The following NUP210L variants were observed in gnomAD, a reference collection of about 807,000 sequenced individuals.
The protein encoded by NUP210L is nucleoporin 210 like, also known as nuclear pore membrane glycoprotein 210-like.
NUP210L carries 74 observed loss-of-function variants against 208.5 expected under a neutral mutation model. The ratio of observed to expected loss-of-function variants is 0.35; its 90% confidence interval spans 0.29 to 0.43. NUP210L has a LOEUF of 0.43. Ranked by LOEUF, NUP210L falls within the 20% of genes least tolerant of loss-of-function variation. The pLI is 1.00. For synonymous variants in NUP210L, 780 were observed against 816.9 expected (o/e 0.95, Z 0.77); for missense variants, 1,843 against 2,289.4 (o/e 0.81, Z 3.98).
At chr1:154,118,242 G>C (rs1657431344) in intron 11 of NUP210L, among the ~76,000 whole-genome samples, 1 of 152,086 alleles carries the variant, frequency 6.6e-6, no homozygotes, top group South Asian at 2.1e-4. Context: ...CTGGGAGACA[G>C]AGGTTGCAGT....
chr1:154,100,479 T>G (rs1412118126), intron 13 of NUP210L, among the ~76,000 whole-genome samples: 1 of 148,482 alleles, frequency 6.7e-6, no homozygotes, highest in Non-Finnish European at 1.5e-5. Flanking sequence ...ACAAATATGA[T>G]TTCAGTGGGG....
chr1:154,144,121 T>A (rs1057083967), intron 2 of NUP210L, among the ~76,000 whole-genome samples: 1 of 151,900 alleles, frequency 6.6e-6, no homozygotes, highest in Non-Finnish European at 1.5e-5. Context: ...ACAGAGGTTG[T>A]AGGGAGTCGA....
intron 27 of NUP210L, 65 bp from the exon 28 acceptor site, chr1:154,030,119 T>C (rs1652126959): frequency 5.8e-6 from 7 of 1,204,076 alleles, no homozygotes; most frequent in Non-Finnish European, 7.8e-6. Context: ...CCTTTTTTTT[T>C]CACTTTTTTA....
At chr1:154,019,209 G>T in intron 32 of NUP210L, 140 bp from the exon 33 acceptor site, 1 of 739,894 alleles carries the variant, frequency 1.4e-6, no homozygotes, top group Non-Finnish European at 2.1e-6. Context: ...GAAGATAACT[G>T]TTTTCTCAGT....
intron 13 of NUP210L, among the ~76,000 whole-genome samples, chr1:154,100,777 C>T (rs1390569959): frequency 6.6e-6 from 1 of 151,558 alleles, no homozygotes; most frequent in East Asian, 2.0e-4. Context: ...CTAAGCCTCC[C>T]AAAATGCTGG....
intron 12 of NUP210L, among the ~76,000 whole-genome samples, chr1:154,106,218 GC>G (rs1253710146): frequency 6.6e-6 from 1 of 152,080 alleles, no homozygotes; most frequent in Non-Finnish European, 1.5e-5. Context: ...CTGAGATCAT[GC>G]CACTGCACTC....
At chr1:154,058,801 A>C in intron 20 of NUP210L, 108 bp from the exon 21 acceptor site, 1 of 1,070,806 alleles carries the variant, frequency 9.3e-7, no homozygotes, top group Non-Finnish European at 1.4e-6. Flanking sequence ...GCTTTCTTTG[A>C]ACTGGGGACT....
chr1:154,106,264 AAAATAAAT>A lies in NUP210L; in HGVS notation c.1621-2062_1621-2055del, dbSNP rs562234400. 7.4e-4 allele frequency among the ~76,000 whole-genome samples: 113 copies of A among 152,178 alleles called. 1 individual carries two copies. The highest frequency in any genetic ancestry group is 2.6e-3 in the African/African-American group (110 of 41,512). On this transcript the variant is annotated intron_variant, in intron 12 of 39. Transcript: ENST00000368559. ...TGACAGAGTAAGACTCCATTCCAGA[AAAATAAAT>A]AAATAAATAAATAAAAAGATTGGGA... is the stretch of plus-strand genomic sequence containing the variant.
chr1:154,056,718 C>A, intron 23 of NUP210L, 97 bp downstream of exon 23: 1 of 1,279,006 alleles, frequency 7.8e-7, no homozygotes, highest in Admixed American at 2.5e-5. Flanking sequence ...CTGTGCCCAG[C>A]CAGTCAAATG....
chr1:154,055,128 TTTCTTTCTTTC>T (rs1438045117), intron 23 of NUP210L, among the ~76,000 whole-genome samples: 15 of 19,002 alleles, frequency 7.9e-4, no homozygotes, highest in Middle Eastern at 0.028. Flanking sequence ...CTTTCTTTTC[TTTCTTTCTTTC>T]TTTCTTTCTT....
chr1:154,077,468 G>T (rs1420346637), intron 16 of NUP210L, among the ~76,000 whole-genome samples: 1 of 152,004 alleles, frequency 6.6e-6, no homozygotes, highest in Non-Finnish European at 1.5e-5. Context: ...GAGAAATTAA[G>T]ACATTCTAAG....
chr1:154,125,545 C>T (rs575758449), intron 10 of NUP210L, among the ~76,000 whole-genome samples: 1 of 149,542 alleles, frequency 6.7e-6, no homozygotes, highest in South Asian at 2.1e-4. Context: ...TTGCTTGAGC[C>T]TGGGAGGTCC....
chr1:154,082,688 C>T (rs1245352949), intron 16 of NUP210L, among the ~76,000 whole-genome samples: 1 of 152,212 alleles, frequency 6.6e-6, no homozygotes, highest in Admixed American at 6.5e-5. Flanking sequence ...CTGGTAGGTT[C>T]TTGACCAATT....
At chr1:154,101,403 G>T (rs902982424) in intron 13 of NUP210L, among the ~76,000 whole-genome samples, 4 of 152,066 alleles carry the variant, frequency 2.6e-5, no homozygotes, top group Non-Finnish European at 4.4e-5. Context: ...CTTGAACCCC[G>T]GAGGCGGAGG....
rs1658532030 is a variant in NUP210L at position 154,136,096 on chromosome 1, A to G, written c.851-124T>C. On this transcript the variant is annotated intron_variant, in intron 6 of 39. Coordinates refer to ENST00000368559, the Ensembl canonical transcript of NUP210L. Reference sequence around the variant, plus strand: ...AAAATAAGAGTATGATCTGCTTCTAATGTTTTTCCTGCTATGATGAATTTC... The same window carrying G: ...AAAATAAGAGTATGATCTGCTTCTAGTGTTTTTCCTGCTATGATGAATTTC... 1.2e-5 allele frequency: 8 copies of G among 676,854 alleles called. No homozygotes were observed. In the Admixed American group the frequency reaches 2.2e-4, roughly 18 times the overall value. The allele number at this position is 676,854 out of a possible 1,614,324, so 41.9% of individuals were successfully genotyped here.
chr1:154,036,314 ATGTGTGTGTGTGTGTGTGTG>A (rs57011341), intron 27 of NUP210L, among the ~76,000 whole-genome samples: 55 of 108,178 alleles, frequency 5.1e-4, no homozygotes, highest in African/African-American at 1.2e-3. Context: ...CAGTTGGAAC[ATGTGTGTGTGTGTGTGTGTG>A]TGTGTGTGTG....
intron 37 of NUP210L, among the ~76,000 whole-genome samples, chr1:153,997,281 C>G (rs1042050400): frequency 1.3e-5 from 2 of 149,554 alleles, no homozygotes; most frequent in Non-Finnish European, 1.5e-5. Flanking sequence ...TTTTTTAACA[C>G]CTGAATAATT....
chr1:154,117,745 A>C (rs1657402680), exon 12 of NUP210L: 1 of 1,613,022 alleles, frequency 6.2e-7, no homozygotes. Flanking sequence ...CCATATCGAA[A>C]GGGATTTTGT....
rs530033458 is a variant in NUP210L at position 154,143,853 on chromosome 1, C to T, written c.341-276G>A. On this transcript the variant is annotated intron_variant, in intron 2 of 39. Transcript: ENST00000368559. ...AAATTGTAATATTTTTCTCCAAATT[C>T]TTCAAGATCCTGATAACAAATAAAA... is the stretch of plus-strand genomic sequence containing the variant. Among the ~76,000 whole-genome samples, 26 of 152,208 alleles carry T rather than the reference C, an allele frequency of 1.7e-4. No individual in the cohort carries two copies. In the South Asian group the frequency reaches 4.3e-3, roughly 25 times the overall value.
Sources: gnomAD v4.1 joint callset for allele counts (sites outside exome capture counted in the v4.1 genomes callset) on GRCh38, gnomAD v4.1.1 for gene constraint, MANE v1.5 for transcripts, NCBI Gene and HGNC (gene_info 2026-07-23, HGNC 2026-07-21) for gene names.